The following PI4KA variants were observed in gnomAD, a reference collection of about 807,000 sequenced individuals.
PI4KA encodes the protein phosphatidylinositol 4-kinase alpha.
PI4KA carries 122 observed loss-of-function variants against 271.4 expected under a neutral mutation model. The observed-to-expected ratio is 0.45, with a 90% CI of 0.39 to 0.52. PI4KA has a LOEUF of 0.52. Among genes scored for constraint, PI4KA ranks in the 20% least tolerant of loss-of-function variants. PI4KA has a pLI of 0.00. For missense variants in PI4KA, 1,969 were observed against 2,769.1 expected (o/e 0.71, Z 6.48); for synonymous variants, 1,041 against 1,078.8 (o/e 0.96, Z 0.69).
chr22:20,787,174 C>G (rs778736324), intron 19 of PI4KA: 2 of 1,033,434 alleles, frequency 1.9e-6, no homozygotes, highest in Non-Finnish European at 3.0e-6. Context: ...TTTACGCTAC[C>G]AATCTGAATT....
At chr22:20,733,127 T>C in intron 35 of PI4KA, 29 bp from the exon 36 acceptor site, 1 of 1,611,744 alleles carries the variant, frequency 6.2e-7, no homozygotes, top group Non-Finnish European at 8.5e-7. Flanking sequence ...GGACAAGGGC[T>C]GAGTGTCTGG....
intron 19 of PI4KA, among the ~76,000 whole-genome samples, chr22:20,765,931 G>T (rs1932486161): frequency 6.6e-6 from 1 of 152,210 alleles, no homozygotes; most frequent in Non-Finnish European, 1.5e-5. Flanking sequence ...CCCTGTTCCT[G>T]CACTTGAAGG....
rs111265390 is a variant in PI4KA at position 20,727,990 on chromosome 22, C to T, written c.4683-126G>A. 8.2e-3 allele frequency: 4,994 copies of T among 608,898 alleles called. 56 individuals are homozygous for T. Among genetic ancestry groups the T allele is most frequent in the East Asian group, 0.047 (1,667 of 35,114 alleles). 37.7% of individuals were successfully genotyped at this position (608,898 alleles called of 1,614,324 possible). On this transcript the variant is annotated intron_variant, in intron 39 of 54. Transcript: ENST00000255882. ...AGGGATTCACATCAATACCAAGTGA[C>T]GGCTTGGGTACAAACAAATAGAAAG...
At chr22:20,721,465 G>A (rs1926730416) in intron 42 of PI4KA, 47 bp from the exon 43 acceptor site, 1 of 1,605,704 alleles carries the variant, frequency 6.2e-7, no homozygotes, top group African/African-American at 1.3e-5. Context: ...CCCTCTCCAT[G>A]AGGAGGGCCT....
At chr22:20,848,237 C>CAAAAA (rs60503165) in intron 1 of PI4KA, among the ~76,000 whole-genome samples, 1 of 51,230 alleles carries the variant, frequency 2.0e-5, no homozygotes, top group Non-Finnish European at 3.9e-5. Context: ...GACTCCATCT[C>CAAAAA]AAAAAAAAAA....
At chr22:20,787,553 A>C in intron 19 of PI4KA, 1 of 209,270 alleles carries the variant, frequency 4.8e-6, no homozygotes, top group Non-Finnish European at 9.8e-6. Context: ...AAGACATATG[A>C]GGGGTGCCCT....
chr22:20,787,616 T>C (rs1008380834), intron 19 of PI4KA: 6 of 175,780 alleles, frequency 3.4e-5, no homozygotes, highest in Admixed American at 2.2e-4. Context: ...AAATCCATGA[T>C]GAATGCCATC....
chr22:20,718,580 T>C, intron 44 of PI4KA, 113 bp downstream of exon 44: 17 of 1,240,600 alleles, frequency 1.4e-5, no homozygotes, highest in Non-Finnish European at 2.0e-5. Context: ...GAGACTCTCA[T>C]TCATCTGGTT....
chr22:20,851,391 GA>G (rs1288261736), intron 1 of PI4KA, among the ~76,000 whole-genome samples: 8 of 152,016 alleles, frequency 5.3e-5, no homozygotes, highest in Admixed American at 5.2e-4. Context: ...GCCCAGGCTG[GA>G]GTGCCGTGGT....
Position 20,727,258 on chromosome 22 carries a change from C to T in PI4KA, c.4913G>A (p.Gly1638Glu), listed in dbSNP as rs1488850700. ...YPPHPLTAQYGVKVLRSFPPD... is the reference protein window; with the variant it reads ...YPPHPLTAQYEVKVLRSFPPD... ...AGGGAAGGACCGCAGGACTTTCACC[C>T]CGTACTGCGCCGTGAGAGGGTGCGG... The change falls in exon 41 of 55, where the codon GGG (glycine) becomes GAG (glutamate). Residue 1638 changes from glycine (G) to glutamate (E), a missense_variant. This residue lies in a region of PI4KA where 388 missense variants were observed against 521.5 expected (regional missense o/e 0.74). Transcript: ENST00000255882. 1 of 1,613,012 alleles carries T rather than the reference C, an allele frequency of 6.2e-7. No homozygotes were observed. Among genetic ancestry groups the T allele is most frequent in the Non-Finnish European group, 8.5e-7 (1 of 1,179,868 alleles).
At chr22:20,770,775 A>G (rs1416875612) in intron 19 of PI4KA, among the ~76,000 whole-genome samples, 3 of 152,080 alleles carry the variant, frequency 2.0e-5, no homozygotes, top group Non-Finnish European at 4.4e-5. Flanking sequence ...TTCAAAAGAA[A>G]AAGTTTTCCA....
In PI4KA at chr22:20,826,894, C is replaced by T. The variant is rs957581664; in HGVS notation, c.368-2480G>A. 1.6e-4 allele frequency among the ~76,000 whole-genome samples: 18 copies of T among 112,268 alleles called. No homozygotes were observed. The South Asian group carries it at 4.3e-3, about 27-fold the overall frequency. The allele number at this position is 112,268 out of a possible 152,430, so 73.7% of individuals were successfully genotyped here. On this transcript the variant is annotated intron_variant, in intron 3 of 54. Transcript: ENST00000255882. ...TATTCGTCCTTGGCTCACCTTTTAA[C>T]GGGGTTTTTTTTTTGTTTGTAAATT...
At chr22:20,712,051 GGTTTTTTTGT>G (rs1258409554) in intron 50 of PI4KA, among the ~76,000 whole-genome samples, 10 of 145,086 alleles carry the variant, frequency 6.9e-5, no homozygotes, top group Admixed American at 6.3e-4. Flanking sequence ...CAGGTGCCCT[GGTTTTTTTGT>G]GTTTTTTTTT....
At chr22:20,793,827 C>A (rs1158232989) in intron 18 of PI4KA, among the ~76,000 whole-genome samples, 1 of 152,250 alleles carries the variant, frequency 6.6e-6, no homozygotes, top group East Asian at 1.9e-4. Context: ...TGGCTAGACA[C>A]ACAAATGTAG....
At chr22:20,847,126 C>A (rs1926368734) in intron 1 of PI4KA, among the ~76,000 whole-genome samples, 2 of 138,396 alleles carry the variant, frequency 1.4e-5, no homozygotes, top group Non-Finnish European at 1.5e-5. Context: ...CCAGACTGGG[C>A]AACAGAGCAA....
At chr22:20,780,411 G>A (rs1231539803) in intron 19 of PI4KA, among the ~76,000 whole-genome samples, 1 of 152,202 alleles carries the variant, frequency 6.6e-6, no homozygotes, top group African/African-American at 2.4e-5. Flanking sequence ...CTTTAACACA[G>A]CCTTGTGAGG....
At chr22:20,788,175 T>C (rs374206525) in intron 19 of PI4KA, among the ~76,000 whole-genome samples, 1 of 152,300 alleles carries the variant, frequency 6.6e-6, no homozygotes, top group African/African-American at 2.4e-5. Context: ...GGTGTCTAAC[T>C]GTAACCCCCA....
intron 47 of PI4KA, 129 bp from the exon 48 acceptor site, chr22:20,713,519 C>T: frequency 6.0e-6 from 4 of 668,248 alleles, no homozygotes; most frequent in South Asian, 5.6e-5. Context: ...CTTCAAAACC[C>T]CAAGGAGGCC....
intron 43 of PI4KA, among the ~76,000 whole-genome samples, chr22:20,719,169 A>C (rs866072897): frequency 2.7e-5 from 4 of 150,888 alleles, no homozygotes; most frequent in Middle Eastern, 3.2e-3. Flanking sequence ...AGGGAGAAAA[A>C]AGCCCGTGTC....
Sources: gnomAD v4.1 joint callset for allele counts (sites outside exome capture counted in the v4.1 genomes callset) on GRCh38, gnomAD v4.1.1 for gene constraint, gnomAD v4.1.1 regional missense constraint, MANE v1.5 for transcripts, NCBI Gene and HGNC (gene_info 2026-07-23, HGNC 2026-07-21) for gene names.